Variants in LRGUK observed in about 807,000 individuals in gnomAD.
LRGUK encodes leucine-rich repeat and guanylate kinase domain-containing protein.
LRGUK carries 65 observed loss-of-function variants against 76.0 expected under a neutral mutation model. The ratio of observed to expected loss-of-function variants is 0.85; its 90% CI spans 0.70 to 1.05. LRGUK has a LOEUF of 1.05. LRGUK is among the 50% of genes least tolerant of loss of function. LRGUK has a pLI of 0.00. For synonymous variants in LRGUK, 268 were observed against 265.6 expected (o/e 1.01, Z -0.09); for missense variants, 758 against 732.8 (o/e 1.03, Z -0.40).
At chr7:134,157,553 T>A (rs777158419) in intron 5 of LRGUK, among the ~76,000 whole-genome samples, 3 of 152,232 alleles carry the variant, frequency 2.0e-5, no homozygotes, top group Non-Finnish European at 4.4e-5. Context: ...GACGGAGTCT[T>A]GCTCTGTCGC....
intron 15 of LRGUK, among the ~76,000 whole-genome samples, chr7:134,220,328 C>T (rs1801555910): frequency 6.6e-6 from 1 of 152,102 alleles, no homozygotes; most frequent in Non-Finnish European, 1.5e-5. Flanking sequence ...ACTTCCTTAC[C>T]ATGATTAAAT....
intron 10 of LRGUK, among the ~76,000 whole-genome samples, chr7:134,180,845 AT>A (rs1292540344): frequency 2.0e-5 from 3 of 152,000 alleles, no homozygotes; most frequent in Non-Finnish European, 4.4e-5. Context: ...TTTCCAAAAC[AT>A]TTTCATTACC....
intron 11 of LRGUK, 131 bp downstream of exon 11, chr7:134,183,984 A>T: frequency 8.2e-7 from 1 of 1,215,362 alleles, no homozygotes; most frequent in Non-Finnish European, 1.1e-6. Flanking sequence ...AAATGTACAA[A>T]ACAACTTAAT....
the LRGUK span, among the ~76,000 whole-genome samples, chr7:134,275,740 T>A: frequency 6.6e-6 from 1 of 152,194 alleles, no homozygotes. Flanking sequence ...CAGGTTTATC[T>A]GCACTCCAAT....
At chr7:134,128,606 G>C (rs1252527371) in intron 1 of LRGUK, among the ~76,000 whole-genome samples, 1 of 152,238 alleles carries the variant, frequency 6.6e-6, no homozygotes, top group East Asian at 1.9e-4. Flanking sequence ...CGGGAGTGCA[G>C]TGGTGCGGTC....
At chr7:134,159,687 G>T (rs888749269) in intron 6 of LRGUK, among the ~76,000 whole-genome samples, 1 of 152,202 alleles carries the variant, frequency 6.6e-6, no homozygotes, top group East Asian at 1.9e-4. Context: ...TACTCGGGAG[G>T]CTGAGGCAGG....
intron 16 of LRGUK, among the ~76,000 whole-genome samples, chr7:134,246,940 C>CT (rs1168661769): frequency 1.3e-5 from 2 of 152,190 alleles, no homozygotes; most frequent in Admixed American, 1.3e-4. Context: ...AATGCATCCT[C>CT]TGTTATTTAT....
At chr7:134,208,776 C>T (rs544283368) in exon 16 of LRGUK, 5 of 398,832 alleles carry the variant, frequency 1.3e-5, no homozygotes, top group South Asian at 1.3e-4. Flanking sequence ...AGGTGCTTGG[C>T]GAAACTGCAA....
At chr7:134,199,499 T>G in intron 14 of LRGUK, 78 bp downstream of exon 14, 1 of 1,312,192 alleles carries the variant, frequency 7.6e-7, no homozygotes, top group Non-Finnish European at 1.1e-6. Flanking sequence ...GGGATAAAAT[T>G]CTTGGGTAAA....
At chr7:134,133,454 C>G (rs1797393035) in intron 1 of LRGUK, among the ~76,000 whole-genome samples, 1 of 152,172 alleles carries the variant, frequency 6.6e-6, no homozygotes. Flanking sequence ...CTGCCTATCT[C>G]TATTATAATC....
chr7:134,178,530 C>T, exon 10 of LRGUK: 2 of 1,612,306 alleles, frequency 1.2e-6, no homozygotes, highest in Non-Finnish European at 1.7e-6. Context: ...ATATGATCCT[C>T]CCCCTGAAGT....
At chr7:134,232,447 T>G (rs1801924498) in intron 16 of LRGUK, among the ~76,000 whole-genome samples, 2 of 151,912 alleles carry the variant, frequency 1.3e-5, no homozygotes, top group African/African-American at 4.8e-5. Flanking sequence ...CTTGGCTAAT[T>G]TTTTGTATCT....
rs558573600 is a variant in LRGUK at position 134,221,336 on chromosome 7, T to C, written c.1844-443T>C. On this transcript the variant is annotated intron_variant, in intron 15 of 19. Transcript: ENST00000285928. Reference sequence around the variant, plus strand: ...AACATCTTAAAGGAAATATTAGATATTATTTATGAATAAATTCTGTGAAAC... The same window carrying C: ...AACATCTTAAAGGAAATATTAGATACTATTTATGAATAAATTCTGTGAAAC... Among the ~76,000 whole-genome samples the C allele has an allele frequency of 3.9e-5, 6 of 152,354 alleles. No individual in the cohort carries two copies. The East Asian group carries it at 1.2e-3, about 29-fold the overall frequency.
downstream of LRGUK, among the ~76,000 whole-genome samples, chr7:134,266,291 T>G (rs1404641249): frequency 6.6e-6 from 1 of 152,182 alleles, no homozygotes; most frequent in Non-Finnish European, 1.5e-5. Flanking sequence ...CATCAATATA[T>G]GCCCACACCA....
chr7:134,158,902 T>C (rs1330665673), intron 6 of LRGUK, among the ~76,000 whole-genome samples: 1 of 152,192 alleles, frequency 6.6e-6, no homozygotes, highest in Non-Finnish European at 1.5e-5. Context: ...TTTCTCCTAC[T>C]TCTTACCCTC....
At chr7:134,150,584 A>G (rs1798178218) in intron 5 of LRGUK, among the ~76,000 whole-genome samples, 2 of 152,068 alleles carry the variant, frequency 1.3e-5, no homozygotes, top group Non-Finnish European at 2.9e-5. Flanking sequence ...GGTTCCCTGA[A>G]TGCTGATGAT....
intron 4 of LRGUK, among the ~76,000 whole-genome samples, chr7:134,145,616 A>T (rs1797936798): frequency 6.6e-6 from 1 of 152,180 alleles, no homozygotes. Flanking sequence ...TTGTCCTGAT[A>T]CTGAAGCATG....
chr7:134,214,218 A>AC (rs758425447), downstream of LRGUK, among the ~76,000 whole-genome samples: 3 of 148,492 alleles, frequency 2.0e-5, no homozygotes, highest in Non-Finnish European at 4.5e-5. Context: ...AACAGGATAG[A>AC]CTTTTTTTTT....
the LRGUK span, among the ~76,000 whole-genome samples, chr7:134,270,052 C>T: frequency 1.3e-5 from 2 of 152,152 alleles, no homozygotes; most frequent in African/African-American, 4.8e-5. Context: ...TGACTACTCT[C>T]ATCACTCATT....
Sources: allele counts gnomAD v4.1 joint callset (sites outside exome capture counted in the v4.1 genomes callset), GRCh38; gene constraint gnomAD v4.1.1; transcripts MANE v1.5; gene names NCBI Gene and HGNC (gene_info 2026-07-23, HGNC 2026-07-21).